Variants in GRIK2 observed in about 807,000 individuals in gnomAD.
GRIK2 encodes the protein glutamate ionotropic receptor kainate type subunit 2.
Under a neutral mutation model 100.3 loss-of-function variants are expected in GRIK2, and 32 were observed. The ratio of observed to expected loss-of-function variants is 0.32; its 90% confidence interval spans 0.24 to 0.43. The LOEUF (loss-of-function observed/expected upper bound fraction) is 0.43. Among genes scored for constraint, GRIK2 ranks in the 20% least tolerant of loss-of-function variants. The pLI, the probability that GRIK2 is intolerant of heterozygous loss-of-function variation, is 1.00. For missense variants in GRIK2, 843 were observed against 1,114.9 expected (o/e 0.76, Z 3.47); for synonymous variants, 417 against 389.4 (o/e 1.07, Z -0.83).
chr6:101,862,967 T>A (rs1275458311), intron 11 of GRIK2, among the ~76,000 whole-genome samples: 1 of 152,226 alleles, frequency 6.6e-6, no homozygotes, highest in Non-Finnish European at 1.5e-5. Flanking sequence ...CTATAAAAAG[T>A]TGATAACTTT....
chr6:101,825,328 C>A (rs1304827447), intron 10 of GRIK2, among the ~76,000 whole-genome samples: 1 of 152,052 alleles, frequency 6.6e-6, no homozygotes, highest in Non-Finnish European at 1.5e-5. Context: ...GCTCTGATAA[C>A]TCAGTGTGTT....
chr6:101,776,126 G>C (rs1778732219), intron 7 of GRIK2, among the ~76,000 whole-genome samples: 1 of 152,118 alleles, frequency 6.6e-6, no homozygotes, highest in Non-Finnish European at 1.5e-5. Context: ...CGAAGAATGA[G>C]GAGGCCAGGC....
chr6:101,680,844 A>T (rs1771188186), intron 5 of GRIK2, among the ~76,000 whole-genome samples: 1 of 152,138 alleles, frequency 6.6e-6, no homozygotes, highest in Non-Finnish European at 1.5e-5. Context: ...ATTTTGCTTG[A>T]GATGAAATTT....
chr6:101,719,554 G>T (rs1401599291), intron 7 of GRIK2, among the ~76,000 whole-genome samples: 1 of 151,886 alleles, frequency 6.6e-6, no homozygotes. Context: ...TCAACAAGCT[G>T]GAATATAATA....
chr6:101,891,925 G>A (rs1188102916), intron 12 of GRIK2, among the ~76,000 whole-genome samples: 3 of 152,118 alleles, frequency 2.0e-5, no homozygotes, highest in Non-Finnish European at 2.9e-5. Context: ...TAGTTTATGT[G>A]TTCAGAGAAA....
At chr6:101,773,372 C>T (rs950320829) in intron 7 of GRIK2, among the ~76,000 whole-genome samples, 3 of 150,520 alleles carry the variant, frequency 2.0e-5, no homozygotes, top group Admixed American at 6.7e-5. Flanking sequence ...CTCAGCTACT[C>T]GGGAGGCTCA....
At chr6:101,991,012 T>A (rs1198766076) in intron 14 of GRIK2, among the ~76,000 whole-genome samples, 1 of 151,886 alleles carries the variant, frequency 6.6e-6, no homozygotes, top group Non-Finnish European at 1.5e-5. Flanking sequence ...ATTCTATAGA[T>A]GTAAGATGCA....
chr6:101,581,157 GATATATATACATATAT>G (rs1220142115), intron 2 of GRIK2, among the ~76,000 whole-genome samples: 4 of 141,716 alleles, frequency 2.8e-5, no homozygotes, highest in Admixed American at 7.1e-5. Context: ...ATTAATAGGA[GATATATATACATATAT>G]ATATATATAC....
chr6:101,404,941 G>T (rs2128236571), intron 2 of GRIK2, among the ~76,000 whole-genome samples: 1 of 152,312 alleles, frequency 6.6e-6, no homozygotes, highest in South Asian at 2.1e-4. Context: ...AGGGCTTCCT[G>T]TTTTTCTTTG....
chr6:101,509,239 A>T (rs1236152516), intron 2 of GRIK2, among the ~76,000 whole-genome samples: 2 of 151,900 alleles, frequency 1.3e-5, no homozygotes, highest in Non-Finnish European at 2.9e-5. Context: ...GTACACAGAC[A>T]CCTTACCAAC....
At chr6:102,009,829 A>G (rs1188109840) in intron 14 of GRIK2, among the ~76,000 whole-genome samples, 1 of 152,146 alleles carries the variant, frequency 6.6e-6, no homozygotes, top group Non-Finnish European at 1.5e-5. Context: ...TGTGAGATGC[A>G]TGGTAAATTG....
intron 13 of GRIK2, chr6:101,927,731 T>C (rs1026860098): frequency 2.0e-5 from 3 of 152,090 alleles, no homozygotes; most frequent in Admixed American, 6.6e-5. Context: ...TTTATATATG[T>C]ATAAAAATAA....
At chr6:102,051,895 A>G (rs1771218623) in intron 15 of GRIK2, among the ~76,000 whole-genome samples, 1 of 152,178 alleles carries the variant, frequency 6.6e-6, no homozygotes, top group African/African-American at 2.4e-5. Context: ...AGGTGACCTT[A>G]CAGTGTGACT....
At chr6:101,825,452 G>T (rs1782259479) in intron 10 of GRIK2, among the ~76,000 whole-genome samples, 1 of 152,058 alleles carries the variant, frequency 6.6e-6, no homozygotes, top group South Asian at 2.1e-4. Flanking sequence ...CATGAGTTTT[G>T]ATGTAAAATT....
chr6:101,731,531 A>G (rs960756359), intron 7 of GRIK2, among the ~76,000 whole-genome samples: 3 of 152,034 alleles, frequency 2.0e-5, no homozygotes, highest in Non-Finnish European at 4.4e-5. Flanking sequence ...GTTTGGAGGC[A>G]AATAACCTAT....
At chr6:101,513,880 TAAAAAG>T (rs1181444932) in intron 2 of GRIK2, among the ~76,000 whole-genome samples, 10 of 151,916 alleles carry the variant, frequency 6.6e-5, no homozygotes, top group Non-Finnish European at 1.5e-4. Context: ...TCCAATGAAT[TAAAAAG>T]GAAGAGATAA....
At chr6:101,854,977 T>G (rs1248715038) in intron 10 of GRIK2, among the ~76,000 whole-genome samples, 1 of 152,070 alleles carries the variant, frequency 6.6e-6, no homozygotes, top group Non-Finnish European at 1.5e-5. Context: ...AAGGAAAGAT[T>G]TTATATTTAA....
chr6:101,692,968 T>C (rs994760428), intron 7 of GRIK2, among the ~76,000 whole-genome samples: 1 of 152,100 alleles, frequency 6.6e-6, no homozygotes, highest in Admixed American at 6.6e-5. Context: ...AATGGCACTA[T>C]ATTTCTTTAT....
chr6:101,449,386 G>A (rs1427321402), intron 2 of GRIK2, among the ~76,000 whole-genome samples: 1 of 151,620 alleles, frequency 6.6e-6, no homozygotes, highest in African/African-American at 2.4e-5. Context: ...CTTCCTGAAA[G>A]CCAGGCCAAT....
Sources: allele counts gnomAD v4.1 joint callset (sites outside exome capture counted in the v4.1 genomes callset), GRCh38; gene constraint gnomAD v4.1.1; transcripts MANE v1.5; gene names NCBI Gene and HGNC (gene_info 2026-07-23, HGNC 2026-07-21).